Variants in ABHD17B observed in about 807,000 individuals in gnomAD.
The protein encoded by ABHD17B is alpha/beta hydrolase domain-containing protein 17B.
In ABHD17B, 9 loss-of-function variants were observed where a neutral mutation model predicts 26.2. That is an observed-to-expected ratio of 0.34 (90% CI 0.21 to 0.60). ABHD17B has a LOEUF of 0.60. Ranked by LOEUF, ABHD17B falls within the 20% of genes least tolerant of loss-of-function variation. The pLI is 0.80. For synonymous variants in ABHD17B, 127 were observed against 122.3 expected (o/e 1.04, Z -0.25); for missense variants, 224 against 352.1 (o/e 0.64, Z 2.91).
intron 3 of ABHD17B, among the ~76,000 whole-genome samples, chr9:71,869,056 C>T (rs961991997): frequency 2.1e-4 from 32 of 152,134 alleles, no homozygotes; most frequent in African/African-American, 6.8e-4. Flanking sequence ...TAGATGGAGA[C>T]ATAAGTTGAC....
intron 1 of ABHD17B, among the ~76,000 whole-genome samples, chr9:71,904,967 A>C (rs181034298): frequency 2.0e-5 from 3 of 152,306 alleles, no homozygotes; most frequent in Admixed American, 2.0e-4. Flanking sequence ...TCTAAATGTG[A>C]ACTCTTAAAA....
At chr9:71,876,914 C>T (rs1826294563) in intron 1 of ABHD17B, among the ~76,000 whole-genome samples, 2 of 152,158 alleles carry the variant, frequency 1.3e-5, no homozygotes, top group Admixed American at 6.5e-5. Context: ...TTGCTTCCTA[C>T]CTTTATTTCT....
chr9:71,906,478 T>A (rs1246752927), intron 1 of ABHD17B, among the ~76,000 whole-genome samples: 1 of 152,190 alleles, frequency 6.6e-6, no homozygotes, highest in Non-Finnish European at 1.5e-5. Flanking sequence ...GCTTCTTATA[T>A]TTCAATGCGT....
intron 1 of ABHD17B, among the ~76,000 whole-genome samples, chr9:71,892,640 A>G (rs1162190376): frequency 1.3e-5 from 2 of 149,490 alleles, no homozygotes; most frequent in Non-Finnish European, 3.0e-5. Flanking sequence ...ATTTACATTT[A>G]GCAAATTAAT....
intron 1 of ABHD17B, among the ~76,000 whole-genome samples, chr9:71,882,894 C>G (rs1477264654): frequency 6.6e-6 from 1 of 151,832 alleles, no homozygotes; most frequent in Non-Finnish European, 1.5e-5. Context: ...ACCAGTAATC[C>G]CAGCACTTTG....
At chr9:71,870,724 T>C (rs192672074) in intron 2 of ABHD17B, among the ~76,000 whole-genome samples, 1 of 152,316 alleles carries the variant, frequency 6.6e-6, no homozygotes, top group East Asian at 1.9e-4. Context: ...ATTGATGAAC[T>C]GTTACATATA....
chr9:71,906,883 C>T (rs996311361), intron 1 of ABHD17B, among the ~76,000 whole-genome samples: 1 of 151,996 alleles, frequency 6.6e-6, no homozygotes, highest in African/African-American at 2.4e-5. Flanking sequence ...CCAACAAGCT[C>T]CCAAGGGATT....
intron 1 of ABHD17B, among the ~76,000 whole-genome samples, chr9:71,890,283 C>T (rs1272897032): frequency 6.6e-6 from 1 of 152,000 alleles, no homozygotes; most frequent in African/African-American, 2.4e-5. Context: ...GAGCTGGACT[C>T]TGTCACACAG....
intron 1 of ABHD17B, among the ~76,000 whole-genome samples, chr9:71,906,809 A>G (rs909279536): frequency 4.7e-4 from 2 of 4,258 alleles, no homozygotes; most frequent in Admixed American, 3.0e-3. Flanking sequence ...TTAAAAAACA[A>G]ACAAACAAAC....
rs369050780 is a variant in ABHD17B, at chr9:71,897,970, T to C, written c.-4+12664A>G. Among the ~76,000 whole-genome samples, 15 of 152,358 alleles carry C rather than the reference T, an allele frequency of 9.8e-5. 1 individual carries two copies. Among genetic ancestry groups the C allele is most frequent in the Admixed American group, 5.2e-4 (8 of 15,308 alleles). On this transcript the variant is annotated intron_variant, in intron 1 of 3. Transcript: ENST00000333421. ...TACATTTCACCACCTTCTTCAAATATGGAAATTTTGTCTTTTCATACATTT... is the reference window on the plus strand; with the variant it reads ...TACATTTCACCACCTTCTTCAAATACGGAAATTTTGTCTTTTCATACATTT...
rs778912417 is a variant in ABHD17B at position 71,874,655 on chromosome 9, G to A, written c.426C>T (p.Leu142=). ...ASSGKPTEKN[L]YADIEAAWLA... is the part of the protein sequence containing the mutation. ...GCCAAGCAGCTTCAATGTCTGCATA[G>A]AGGTTCTTCTCTGTGGGTTTCCCGG... The change falls in exon 2 of 4, where the codon CTC becomes CTT. Residue 142 remains leucine (L), a synonymous_variant. Coordinates refer to ENST00000333421, the MANE Select transcript of ABHD17B (RefSeq NM_001025780.3). The A allele has an allele frequency of 1.2e-5, 19 of 1,610,790 alleles. No homozygotes were observed. The East Asian group carries it at 4.2e-4, about 36-fold the overall frequency.
intron 1 of ABHD17B, chr9:71,902,611 T>C (rs938935397): frequency 7.9e-5 from 12 of 152,208 alleles, no homozygotes; most frequent in African/African-American, 2.9e-4. Flanking sequence ...GAAGAAAATG[T>C]AACTTGTAGT....
rs778713273 is a variant in ABHD17B at position 71,875,015 on chromosome 9, A to T, written c.66T>A (p.Ile22=). The change falls in exon 2 of 4, where the codon ATT becomes ATA. Residue 22 remains isoleucine, a synonymous_variant. Coordinates refer to ENST00000333421, the MANE Select transcript of ABHD17B (RefSeq NM_001025780.3). ...LFCCPPCPGK[I]ASKLAFLPPD... is the part of the protein sequence containing the mutation. ...GTGGCAAAAACGCTAATTTTGAAGCAATCTTCCCTGGACAAGGTGGACAGC... is the reference window on the plus strand; with the variant it reads ...GTGGCAAAAACGCTAATTTTGAAGCTATCTTCCCTGGACAAGGTGGACAGC... The T allele has an allele frequency of 3.1e-6, 5 of 1,614,128 alleles. No individual in the cohort carries two copies. The highest frequency in any genetic ancestry group is 4.2e-6 in the Non-Finnish European group (5 of 1,180,030).
At chr9:71,899,592 G>C (rs558457156) in intron 1 of ABHD17B, among the ~76,000 whole-genome samples, 1 of 152,140 alleles carries the variant, frequency 6.6e-6, no homozygotes, top group Non-Finnish European at 1.5e-5. Context: ...GGACCTGTAG[G>C]AAATATAGGA....
chr9:71,900,382 G>C (rs1276850825), intron 1 of ABHD17B, among the ~76,000 whole-genome samples: 1 of 152,114 alleles, frequency 6.6e-6, no homozygotes, highest in Admixed American at 6.6e-5. Context: ...AAAAAATCAA[G>C]GTTCGGGGAC....
At chr9:71,897,158 T>A (rs77945059) in intron 1 of ABHD17B, among the ~76,000 whole-genome samples, 1 of 152,168 alleles carries the variant, frequency 6.6e-6, no homozygotes, top group Non-Finnish European at 1.5e-5. Flanking sequence ...GAATAACCTA[T>A]AAAACTAATT....
chr9:71,884,611 G>T (rs990881726), intron 1 of ABHD17B, among the ~76,000 whole-genome samples: 3 of 151,536 alleles, frequency 2.0e-5, no homozygotes, highest in African/African-American at 7.3e-5. Flanking sequence ...TACCAAAGGG[G>T]TAATGGGGAT....
intron 1 of ABHD17B, among the ~76,000 whole-genome samples, chr9:71,899,031 T>G (rs555591984): frequency 3.1e-4 from 46 of 150,500 alleles, no homozygotes; most frequent in African/African-American, 9.8e-4. Flanking sequence ...GGCTGAGACA[T>G]GAGAATAGCT....
At chr9:71,870,007 G>T in intron 3 of ABHD17B, 76 bp downstream of exon 3, 1 of 1,290,388 alleles carries the variant, frequency 7.7e-7, no homozygotes, top group Non-Finnish European at 1.1e-6. Context: ...TGAGTGAACT[G>T]TGTCATGAAT....
Sources: gnomAD v4.1 joint callset for allele counts (sites outside exome capture counted in the v4.1 genomes callset) on GRCh38, gnomAD v4.1.1 for gene constraint, MANE v1.5 for transcripts, NCBI Gene and HGNC (gene_info 2026-07-23, HGNC 2026-07-21) for gene names.